The following EML6 variants were observed in gnomAD, a reference collection of about 807,000 sequenced individuals.
EML6 encodes EMAP like 6, also known as echinoderm microtubule-associated protein-like 6.
Under a neutral mutation model 240.1 loss-of-function variants are expected in EML6, and 154 were observed. That is an observed-to-expected ratio of 0.64 (90% CI 0.56 to 0.73). The LOEUF is 0.73. EML6 is among the 30% of genes least tolerant of loss of function. The pLI is 0.00. For synonymous variants in EML6, 1,148 were observed against 899.0 expected, an observed-to-expected ratio of 1.28 and a Z score of -4.95; for missense variants, 2,964 against 2,474.6, an observed-to-expected ratio of 1.20 and a Z score of -4.20.
chr2:54,861,420 C>G (rs963032626), intron 12 of EML6, among the ~76,000 whole-genome samples: 5 of 152,190 alleles, frequency 3.3e-5, no homozygotes, highest in African/African-American at 1.2e-4. Context: ...AGGGTACAGC[C>G]TAAATGTGAG....
chr2:54,778,163 A>C (rs753527953), intron 2 of EML6, among the ~76,000 whole-genome samples: 2 of 152,210 alleles, frequency 1.3e-5, no homozygotes, highest in Non-Finnish European at 2.9e-5. Context: ...CTAAATGTTT[A>C]GCTTATTTGG....
intron 25 of EML6, among the ~76,000 whole-genome samples, chr2:54,913,071 G>GTTTTTTTTTT (rs1216432893): frequency 8.0e-5 from 10 of 125,668 alleles, no homozygotes; most frequent in Admixed American, 1.6e-4. Flanking sequence ...GCCAGATTCT[G>GTTTTTTTTTT]TTTTTTTTTT....
At position 54,916,795 on chromosome 2, in the gene EML6, C is replaced by T. The variant is rs568580476; in HGVS notation, c.3535C>T (p.Leu1179=). The change falls in exon 26 of 42, where the codon CTG becomes TTG. Residue 1179 remains leucine (L), a synonymous_variant. Coordinates refer to ENST00000356458, the MANE Select transcript of EML6 (RefSeq NM_001039753.4). ...AGAGTGGGACACATGGACCTGTGTC[C>T]TGGGGCCCACCTGTGAGGGAATCTG... is the stretch of plus-strand genomic sequence containing the variant. The part of the protein sequence containing the change: ...KIEWDTWTCV[L]GPTCEGIWPA... 6.5e-7 allele frequency: 1 copy of T among 1,542,966 alleles called. No individual in the cohort carries two copies. Among genetic ancestry groups the T allele is most frequent in the Non-Finnish European group, 8.8e-7 (1 of 1,140,284 alleles).
intron 28 of EML6, among the ~76,000 whole-genome samples, chr2:54,939,763 T>G (rs1254689616): frequency 6.6e-6 from 1 of 152,198 alleles, no homozygotes; most frequent in Non-Finnish European, 1.5e-5. Flanking sequence ...TTAATGAGAT[T>G]TGGGCATCCC....
intron 2 of EML6, among the ~76,000 whole-genome samples, chr2:54,797,290 T>G (rs929199102): frequency 1.3e-5 from 2 of 151,920 alleles, no homozygotes; most frequent in Non-Finnish European, 2.9e-5. Context: ...GACCATACTT[T>G]GAGTAGCAAG....
chr2:54,769,190 T>C, intron 2 of EML6, among the ~76,000 whole-genome samples: 1 of 152,150 alleles, frequency 6.6e-6, no homozygotes, highest in East Asian at 1.9e-4. Flanking sequence ...ACCTGGTGGG[T>C]TGTCTGGAAG....
chr2:54,818,956 A>T (rs1328792871), intron 4 of EML6, among the ~76,000 whole-genome samples: 4 of 152,160 alleles, frequency 2.6e-5, no homozygotes, highest in African/African-American at 9.7e-5. Flanking sequence ...CATTTATATA[A>T]TGAATGTTTT....
At chr2:54,830,345 A>AG (rs1668806923) in intron 7 of EML6, among the ~76,000 whole-genome samples, 1 of 152,112 alleles carries the variant, frequency 6.6e-6, no homozygotes, top group Non-Finnish European at 1.5e-5. Flanking sequence ...GCGCCAAGGG[A>AG]GGGGTACATG....
At chr2:54,783,093 A>G (rs939209757) in intron 2 of EML6, among the ~76,000 whole-genome samples, 1 of 152,232 alleles carries the variant, frequency 6.6e-6, no homozygotes, top group Admixed American at 6.5e-5. Flanking sequence ...ATGCGTGCAT[A>G]TATTATAGTC....
intron 5 of EML6, among the ~76,000 whole-genome samples, chr2:54,825,386 C>T (rs146611610): frequency 6.6e-6 from 1 of 151,972 alleles, no homozygotes; most frequent in Non-Finnish European, 1.5e-5. Flanking sequence ...TCTCTTTATT[C>T]TTTATTAAAA....
intron 7 of EML6, among the ~76,000 whole-genome samples, chr2:54,840,307 C>T (rs1303120220): frequency 6.6e-6 from 1 of 152,070 alleles, no homozygotes; most frequent in East Asian, 1.9e-4. Context: ...CAATCAATGG[C>T]ATTATAAAAG....
intron 36 of EML6, among the ~76,000 whole-genome samples, chr2:54,963,611 G>A (rs779224162): frequency 2.6e-5 from 4 of 152,308 alleles, no homozygotes; most frequent in Admixed American, 6.5e-5. Flanking sequence ...AGGCCAGATC[G>A]GGCCTGTGGC....
chr2:54,795,476 C>T (rs1171281800), intron 2 of EML6, among the ~76,000 whole-genome samples: 2 of 152,040 alleles, frequency 1.3e-5, no homozygotes, highest in East Asian at 3.9e-4. Context: ...GAACACAGAG[C>T]CAATATCAGT....
chr2:54,962,852 T>TA (rs1292897831), intron 36 of EML6, 141 bp downstream of exon 36: 44 of 563,292 alleles, frequency 7.8e-5, no homozygotes, highest in Non-Finnish European at 1.2e-4. Context: ...AACCTAACGA[T>TA]AAAAGAAGCC....
At chr2:54,830,316 C>A (rs1307088810) in intron 7 of EML6, among the ~76,000 whole-genome samples, 1 of 152,166 alleles carries the variant, frequency 6.6e-6, no homozygotes, top group African/African-American at 2.4e-5. Context: ...TCACTCCCCA[C>A]AGGTGGGCCA....
At chr2:54,901,067 G>C (rs558690942) in intron 22 of EML6, among the ~76,000 whole-genome samples, 50 of 152,322 alleles carry the variant, frequency 3.3e-4, no homozygotes, top group African/African-American at 1.1e-3. Context: ...AATAGTGATG[G>C]TGGCTAATAT....
intron 2 of EML6, among the ~76,000 whole-genome samples, chr2:54,768,781 T>C (rs1449566040): frequency 6.6e-6 from 1 of 152,230 alleles, no homozygotes; most frequent in Non-Finnish European, 1.5e-5. Context: ...AAAACTTTTC[T>C]GTTTAATAGT....
chr2:54,959,354 T>G (rs1676387467), intron 34 of EML6, 93 bp downstream of exon 34: 2 of 1,230,146 alleles, frequency 1.6e-6, no homozygotes, highest in African/African-American at 3.0e-5. Context: ...AAATGCAGAC[T>G]GTCATCCTCC....
intron 2 of EML6, among the ~76,000 whole-genome samples, chr2:54,759,950 A>G (rs1667905301): frequency 6.6e-6 from 1 of 151,228 alleles, no homozygotes; most frequent in African/African-American, 2.4e-5. Context: ...GTGAGAAATA[A>G]GATAACTTGC....
Sources: gnomAD v4.1 joint callset for allele counts (sites outside exome capture counted in the v4.1 genomes callset) on GRCh38, gnomAD v4.1.1 for gene constraint, MANE v1.5 for transcripts, NCBI Gene and HGNC (gene_info 2026-07-23, HGNC 2026-07-21) for gene names.